STEEP1: variants seen among roughly 807,000 people sequenced by gnomAD.
STEEP1 encodes STING ER exit protein.
A neutral mutation model predicts 19.2 loss-of-function variants in STEEP1; 3 were observed. The observed-to-expected ratio is 0.16, with a 90% CI of 0.07 to 0.40. The LOEUF (loss-of-function observed/expected upper bound fraction) is 0.40, where lower values mean the gene tolerates loss of function less well. Ranked by LOEUF, STEEP1 falls within the 10% of genes least tolerant of loss-of-function variation. The pLI, the probability that STEEP1 is intolerant of heterozygous loss-of-function variation, is 0.99. For synonymous variants in STEEP1, 46 were observed against 63.7 expected (o/e 0.72, Z 1.32); for missense variants, 54 against 177.1 (o/e 0.30, Z 3.94).
intron 2 of STEEP1, among the ~76,000 whole-genome samples, chrX:119,558,532 G>A (rs1204385459): frequency 2.7e-5 from 3 of 111,180 alleles, no homozygotes; most frequent in Non-Finnish European, 5.7e-5. Context: ...GCGAGACTCC[G>A]TCTCCAAAAA....
chrX:119,558,268 C>T (rs1243677990), intron 2 of STEEP1, among the ~76,000 whole-genome samples: 1 of 111,189 alleles, frequency 9.0e-6, no homozygotes, highest in Non-Finnish European at 1.9e-5. Flanking sequence ...GGCACGATGG[C>T]TCACGTCTGT....
intron 2 of STEEP1, among the ~76,000 whole-genome samples, chrX:119,553,229 CAAACA>C (rs1350108123): frequency 3.6e-5 from 2 of 56,137 alleles, no homozygotes; most frequent in African/African-American, 9.9e-5. Flanking sequence ...AACAAACAAA[CAAACA>C]AAAAACTCCT....
intron 2 of STEEP1, among the ~76,000 whole-genome samples, chrX:119,551,497 G>T (rs1158697189): frequency 9.9e-6 from 1 of 101,100 alleles, no homozygotes; most frequent in African/African-American, 3.7e-5. Context: ...AAAAAAAAAA[G>T]AATTTCTACT....
intron 2 of STEEP1, among the ~76,000 whole-genome samples, chrX:119,548,575 G>A (rs190919078): frequency 1.1e-3 from 115 of 108,585 alleles, no homozygotes; most frequent in Non-Finnish European, 1.9e-3. Context: ...TTAAATGTTA[G>A]GGAGGATGTG....
intron 2 of STEEP1, among the ~76,000 whole-genome samples, chrX:119,546,268 C>A (rs2053204415): frequency 9.1e-6 from 1 of 109,402 alleles, no homozygotes; most frequent in South Asian, 3.9e-4. Flanking sequence ...TGGGGAAACT[C>A]CGTCTCTACT....
At chrX:119,540,804 G>C (rs765056258) in intron 6 of STEEP1, among the ~76,000 whole-genome samples, 144 of 112,127 alleles carry the variant, frequency 1.3e-3, no homozygotes, top group African/African-American at 4.5e-3. Context: ...CCAGTACTTT[G>C]GGAGCCCGAG....
intron 2 of STEEP1, among the ~76,000 whole-genome samples, chrX:119,553,788 C>T (rs1603306383): frequency 8.9e-6 from 1 of 111,949 alleles, no homozygotes; most frequent in East Asian, 2.8e-4. Context: ...TTTCAAAACA[C>T]ATAGAAATAT....
At chrX:119,561,080 C>T (rs2053317129) in intron 1 of STEEP1, among the ~76,000 whole-genome samples, 1 of 107,990 alleles carries the variant, frequency 9.3e-6, no homozygotes, top group South Asian at 4.0e-4. Flanking sequence ...GAGGTCAAGA[C>T]GAGCAGATCA....
chrX:119,564,313 A>G (rs1218941578), intron 1 of STEEP1, among the ~76,000 whole-genome samples: 1 of 110,583 alleles, frequency 9.0e-6, no homozygotes, highest in African/African-American at 3.3e-5. Context: ...TGGCCAACGT[A>G]GTGAAACCCC....
At chrX:119,541,061 A>C (rs188895801) in intron 6 of STEEP1, among the ~76,000 whole-genome samples, 13 of 111,433 alleles carry the variant, frequency 1.2e-4, no homozygotes, top group African/African-American at 4.2e-4. Flanking sequence ...TAAATAAATA[A>C]ATAAAATAAA....
At position 119,565,370 on chromosome X, in the gene STEEP1, A is replaced by C; in HGVS notation, c.-15T>G. The C allele has an allele frequency of 1.7e-6, 2 of 1,165,671 alleles. No individual in the cohort carries two copies. Among genetic ancestry groups the C allele is most frequent in the Non-Finnish European group, 2.3e-6 (2 of 857,313 alleles). ...ACTTTCGGCATGATTCCCAAGAGCAATCTGAAAACTCTACGCCAAGAAGAG... is the reference window on the plus strand; with the variant it reads ...ACTTTCGGCATGATTCCCAAGAGCACTCTGAAAACTCTACGCCAAGAAGAG... On this transcript the variant is annotated 5_prime_UTR_variant, in exon 1 of 7. Transcript: ENST00000644802.
At chrX:119,563,018 T>C (rs1051948635) in intron 1 of STEEP1, among the ~76,000 whole-genome samples, 2 of 111,715 alleles carry the variant, frequency 1.8e-5, no homozygotes, top group African/African-American at 6.5e-5. Context: ...CCACTGTGGC[T>C]GAAGTGCGAT....
At chrX:119,565,098 G>A in intron 1 of STEEP1, 134 bp downstream of exon 1, 2 of 1,022,376 alleles carry the variant, frequency 2.0e-6, no homozygotes, top group South Asian at 5.6e-5. Flanking sequence ...TGCGTAGGGA[G>A]GATTTAGTCG....
At chrX:119,542,974 A>G (rs1281518902) in intron 4 of STEEP1, among the ~76,000 whole-genome samples, 1 of 75,370 alleles carries the variant, frequency 1.3e-5, no homozygotes, top group Non-Finnish European at 2.4e-5. Context: ...CTAATTTTAC[A>G]TTTTTGTAGA....
At chrX:119,552,386 ACC>A (rs1159570885) in intron 2 of STEEP1, among the ~76,000 whole-genome samples, 1 of 111,014 alleles carries the variant, frequency 9.0e-6, no homozygotes, top group Non-Finnish European at 1.9e-5. Flanking sequence ...GGTTCCCACG[ACC>A]CCCTCTTTGG....
intron 2 of STEEP1, among the ~76,000 whole-genome samples, chrX:119,556,582 CAAAA>C (rs60424721): frequency 5.7e-5 from 4 of 70,573 alleles, no homozygotes; most frequent in Non-Finnish European, 2.7e-5. Flanking sequence ...GACTCCGTCT[CAAAA>C]AAAAAAAAAA....
chrX:119,545,487 C>A lies in STEEP1; in HGVS notation c.260G>T (p.Arg87Leu). ...CTTTGCACATTTCTTCCTGTACTGT[C>A]GTTCAATGCCTTCAGGTCTGCACAG... Reference protein sequence around the residue: ...MYLRRPEGIERQYRKKCAKCG... With the variant: ...MYLRRPEGIELQYRKKCAKCG... Residue 87 changes from arginine to leucine, a missense_variant, in exon 3 of 7, where the codon CGA becomes CTA. Around this residue, in one of 2 missense-constraint regions of STEEP1, gnomAD observed 47 missense variants for 118.5 expected, o/e 0.40. Transcript: ENST00000644802. 1.7e-6 allele frequency: 2 copies of A among 1,182,898 alleles called. No homozygotes were observed. The highest frequency in any genetic ancestry group is 1.8e-5 in the South Asian group (1 of 56,359).
chrX:119,549,974 C>A (rs1188213075), intron 2 of STEEP1, among the ~76,000 whole-genome samples: 1 of 112,166 alleles, frequency 8.9e-6, no homozygotes, highest in African/African-American at 3.2e-5. Flanking sequence ...ACTCTCACTA[C>A]TTCTATTCAA....
chrX:119,549,794 T>C (rs1200558876), intron 2 of STEEP1, among the ~76,000 whole-genome samples: 1 of 112,245 alleles, frequency 8.9e-6, no homozygotes, highest in Non-Finnish European at 1.9e-5. Context: ...CGTTAATCCA[T>C]GCATAAGAGC....
Sources: gnomAD v4.1 joint callset for allele counts (sites outside exome capture counted in the v4.1 genomes callset) on GRCh38, gnomAD v4.1.1 for gene constraint, gnomAD v4.1.1 regional missense constraint, MANE v1.5 for transcripts, NCBI Gene and HGNC (gene_info 2026-07-23, HGNC 2026-07-21) for gene names.